Variants in FGF14 observed in about 807,000 individuals in gnomAD.
The protein encoded by FGF14 is fibroblast growth factor 14, also known as fibroblast growth factor homologous factor 4.
FGF14 carries 5 observed loss-of-function variants against 25.5 expected under a neutral mutation model. The observed-to-expected ratio is 0.20, with a 90% CI of 0.10 to 0.41. The LOEUF (loss-of-function observed/expected upper bound fraction) is 0.41. Ranked by LOEUF, FGF14 falls within the 10% of genes least tolerant of loss-of-function variation. The probability of loss-of-function intolerance (pLI) is 1.00; values close to 1 mark genes in which losing one functional copy is unlikely to be tolerated. For missense variants in FGF14, 222 were observed against 320.1 expected (o/e 0.69, Z 2.34); for synonymous variants, 138 against 118.3 (o/e 1.17, Z -1.08).
chr13:102,312,332 A>G (rs756027805), intron 1 of FGF14, among the ~76,000 whole-genome samples: 4 of 151,996 alleles, frequency 2.6e-5, no homozygotes, highest in Non-Finnish European at 5.9e-5. Flanking sequence ...GGACAATACC[A>G]ATTTTCAAAA....
At position 101,716,286 on chromosome 13, in the gene FGF14, A is replaced by C. The variant is rs2034718979; in HGVS notation, c.*6545T>G. The C allele has an allele frequency of 6.6e-6, 1 of 152,304 alleles. No homozygotes were observed. The highest frequency in any genetic ancestry group is 2.1e-4 in the South Asian group (1 of 4,832). 9.4% of individuals were successfully genotyped at this position (152,304 alleles called of 1,614,324 possible). Reference sequence around the variant, plus strand: ...AGAATATCAGAGTGGGGCTGGATCAAGGGCAAAAACTGGTCATTAAGTCAT... The same window carrying C: ...AGAATATCAGAGTGGGGCTGGATCACGGGCAAAAACTGGTCATTAAGTCAT... On this transcript the variant is annotated 3_prime_UTR_variant, in exon 5 of 5. Coordinates refer to ENST00000376143, the MANE Select transcript of FGF14 (RefSeq NM_004115.4).
At chr13:101,840,666 T>G (rs1350539645) in intron 3 of FGF14, among the ~76,000 whole-genome samples, 1 of 151,994 alleles carries the variant, frequency 6.6e-6, no homozygotes, top group Non-Finnish European at 1.5e-5. Context: ...GTGTTGTAAA[T>G]GTACTATTTT....
intron 1 of FGF14, among the ~76,000 whole-genome samples, chr13:102,048,925 G>T (rs539202935): frequency 1.3e-5 from 2 of 152,104 alleles, no homozygotes; most frequent in South Asian, 2.1e-4. Context: ...TATTTAAATC[G>T]GAATAACTTC....
chr13:102,005,958 G>T (rs897468888), intron 1 of FGF14, among the ~76,000 whole-genome samples: 1 of 152,122 alleles, frequency 6.6e-6, no homozygotes, highest in Non-Finnish European at 1.5e-5. Context: ...TGTTTGTATT[G>T]TACTTGTAAT....
intron 1 of FGF14, among the ~76,000 whole-genome samples, chr13:102,030,207 A>G (rs1306276511): frequency 2.0e-5 from 3 of 152,060 alleles, no homozygotes; most frequent in African/African-American, 7.2e-5. Flanking sequence ...TTTTTAGATA[A>G]TCTTATTGAA....
At chr13:102,012,131 TTAAATA>T (rs933228344) in intron 1 of FGF14, among the ~76,000 whole-genome samples, 1 of 152,008 alleles carries the variant, frequency 6.6e-6, no homozygotes, top group Non-Finnish European at 1.5e-5. Flanking sequence ...TCCCTAAACT[TTAAATA>T]TAAACTAATC....
rs554864147 is a variant in FGF14 at position 101,724,526 on chromosome 13, G to A, written c.608-1559C>T. On this transcript the variant is annotated intron_variant, in intron 4 of 4. Transcript: ENST00000376143. The stretch of plus-strand genomic sequence containing the variant: ...TTACTGGGTGCAGCACACCAACATG[G>A]CACATGTATACATATGTCACAAACC... Among the ~76,000 whole-genome samples, 795 of 148,954 alleles carry A rather than the reference G, an allele frequency of 5.3e-3. 5 individuals carry two copies. The highest frequency in any genetic ancestry group is 8.6e-3 in the Non-Finnish European group (578 of 67,386).
intron 1 of FGF14, among the ~76,000 whole-genome samples, chr13:101,931,496 C>A (rs1235795561): frequency 6.6e-6 from 1 of 152,190 alleles, no homozygotes; most frequent in Non-Finnish European, 1.5e-5. Context: ...AACCTTAGGA[C>A]TGGATGCTCC....
intron 1 of FGF14, among the ~76,000 whole-genome samples, chr13:102,167,118 T>G (rs1049737134): frequency 6.6e-6 from 1 of 151,962 alleles, no homozygotes; most frequent in Non-Finnish European, 1.5e-5. Context: ...CTGGCCAACA[T>G]GGTGAAACCC....
intron 1 of FGF14, chr13:102,299,792 G>T (rs1478716593): frequency 6.6e-6 from 1 of 152,104 alleles, no homozygotes; most frequent in African/African-American, 2.4e-5. Context: ...AAGATGAGGG[G>T]CAGCACCAAA....
intron 1 of FGF14, among the ~76,000 whole-genome samples, chr13:102,071,402 A>T (rs2043148410): frequency 6.6e-6 from 1 of 152,166 alleles, no homozygotes; most frequent in African/African-American, 2.4e-5. Context: ...TCTGGAGGAT[A>T]CTCAATTTTA....
chr13:102,096,710 T>G (rs2044418285), intron 1 of FGF14, among the ~76,000 whole-genome samples: 1 of 152,254 alleles, frequency 6.6e-6, no homozygotes, highest in African/African-American at 2.4e-5. Context: ...AGCTATCAGA[T>G]TTCAAGCTGC....
chr13:102,120,863 C>A lies in FGF14; in HGVS notation c.209-245567G>T, dbSNP rs900014100. On this transcript the variant is annotated intron_variant, in intron 1 of 4. Coordinates refer to the FGF14 transcript ENST00000376131. Reference sequence around the variant, plus strand: ...GGATTATAGGCGCCTGCCACCACACCCAGCTAATTTTTGTATTTTTAGTAG... The same window carrying A: ...GGATTATAGGCGCCTGCCACCACACACAGCTAATTTTTGTATTTTTAGTAG... Among the ~76,000 whole-genome samples, 20 of 152,218 alleles carry A rather than the reference C, an allele frequency of 1.3e-4. No individual in the cohort carries two copies. The East Asian group carries it at 2.5e-3, about 19-fold the overall frequency.
intron 1 of FGF14, among the ~76,000 whole-genome samples, chr13:102,283,412 T>C (rs557584342): frequency 1.4e-4 from 21 of 152,322 alleles, no homozygotes; most frequent in African/African-American, 4.8e-4. Context: ...GAACCCCTTC[T>C]GGTACATGCT....
At chr13:101,860,964 A>G (rs1403379817) in intron 3 of FGF14, among the ~76,000 whole-genome samples, 1 of 152,146 alleles carries the variant, frequency 6.6e-6, no homozygotes, top group East Asian at 1.9e-4. Flanking sequence ...TAATTCAGCT[A>G]GTATTCTGCT....
At chr13:102,276,380 T>TATAC (rs1491317660) in intron 1 of FGF14, among the ~76,000 whole-genome samples, 1 of 131,434 alleles carries the variant, frequency 7.6e-6, no homozygotes, top group African/African-American at 2.7e-5. Flanking sequence ...TATATATATA[T>TATAC]ACACATTATT....
rs570990494 is a variant in FGF14, at chr13:101,712,722, G to A, written c.*10109C>T. On this transcript the variant is annotated 3_prime_UTR_variant, in exon 5 of 5. Coordinates refer to ENST00000376143, the MANE Select transcript of FGF14 (RefSeq NM_004115.4). The stretch of plus-strand genomic sequence containing the variant: ...GAAATACTCCATGTGGTCTTTGTTG[G>A]CAGATATATCACTATCCATTTGTTA... 4.6e-5 allele frequency: 7 copies of A among 152,240 alleles called. No individual in the cohort carries two copies. The highest frequency in any genetic ancestry group is 1.7e-4 in the African/African-American group (7 of 41,538). 9.4% of individuals were successfully genotyped at this position (152,240 alleles called of 1,614,324 possible). A position where few individuals can be genotyped will look rare whatever the true frequency, so the allele number is the denominator to read the frequency against.
At chr13:102,201,921 G>A (rs527356058) in intron 1 of FGF14, among the ~76,000 whole-genome samples, 1 of 152,266 alleles carries the variant, frequency 6.6e-6, no homozygotes, top group East Asian at 1.9e-4. Flanking sequence ...ATAATCCCCA[G>A]TGTTGGATGT....
At chr13:102,257,053 G>T (rs1459318962) in intron 1 of FGF14, among the ~76,000 whole-genome samples, 1 of 152,072 alleles carries the variant, frequency 6.6e-6, no homozygotes, top group African/African-American at 2.4e-5. Context: ...AGGAGAATTG[G>T]CTTGCATAAT....
Sources: gnomAD v4.1 joint callset for allele counts (sites outside exome capture counted in the v4.1 genomes callset) on GRCh38, gnomAD v4.1.1 for gene constraint, MANE v1.5 for transcripts, NCBI Gene and HGNC (gene_info 2026-07-23, HGNC 2026-07-21) for gene names.